ADCY7: variants seen among roughly 807,000 people sequenced by gnomAD.
ADCY7 encodes the protein adenylate cyclase type 7.
A neutral mutation model predicts 120.6 loss-of-function variants in ADCY7; 72 were observed. The observed-to-expected ratio is 0.60, with a 90% CI of 0.49 to 0.73. The LOEUF (loss-of-function observed/expected upper bound fraction) is 0.73, where lower values mean the gene tolerates loss of function less well. ADCY7 is among the 30% of genes least tolerant of loss of function. The pLI is 0.00. For synonymous variants in ADCY7, 661 were observed against 628.0 expected, an observed-to-expected ratio of 1.05 and a Z score of -0.78; for missense variants, 1,227 against 1,486.0, an observed-to-expected ratio of 0.83 and a Z score of 2.87.
intron 1 of ADCY7, among the ~76,000 whole-genome samples, chr16:50,270,218 GATAGA>G (rs1567534970): frequency 5.3e-5 from 8 of 150,974 alleles, no homozygotes; most frequent in African/African-American, 1.5e-4. Context: ...TAGATAGATA[GATAGA>G]TAGATAAACA....
intron 1 of ADCY7, among the ~76,000 whole-genome samples, chr16:50,274,399 G>A (rs531094932): frequency 1.1e-4 from 17 of 151,234 alleles, no homozygotes; most frequent in African/African-American, 3.9e-4. Flanking sequence ...CAGCCATGGC[G>A]AGGGCTCTTC....
chr16:50,262,493 A>C (rs1444860954), upstream of ADCY7, among the ~76,000 whole-genome samples: 1 of 151,784 alleles, frequency 6.6e-6, no homozygotes, highest in East Asian at 1.9e-4. Context: ...AGCCCGGCTA[A>C]TTTTTGTATT....
chr16:50,317,281 T>A lies in ADCY7; in HGVS notation c.*1776T>A, dbSNP rs2036845893. The A allele has an allele frequency of 1.3e-5, 2 of 150,670 alleles. No individual in the cohort carries two copies. Among genetic ancestry groups the A allele is most frequent in the African/African-American group, 5.1e-5 (2 of 39,546 alleles). The allele number at this position is 150,670 out of a possible 1,614,324, so 9.3% of individuals were successfully genotyped here. A position where few individuals can be genotyped will look rare whatever the true frequency, so the allele number is the denominator to read the frequency against. On this transcript the variant is annotated 3_prime_UTR_variant, in exon 26 of 26. Coordinates refer to ENST00000673801, the MANE Select transcript of ADCY7 (RefSeq NM_001114.5). ...GCTGGTAAGGGCAATTAGCCTCGCT[T>A]AAGTTGCCTTTTTTACACACCAAAA...
intron 1 of ADCY7, among the ~76,000 whole-genome samples, chr16:50,286,077 A>C (rs1415476105): frequency 6.6e-6 from 1 of 151,862 alleles, no homozygotes; most frequent in African/African-American, 2.4e-5. Context: ...AGACATCTGA[A>C]ATTTGTATCA....
At chr16:50,269,482 C>G (rs1040784318) in intron 1 of ADCY7, among the ~76,000 whole-genome samples, 1 of 152,198 alleles carries the variant, frequency 6.6e-6, no homozygotes, top group African/African-American at 2.4e-5. Flanking sequence ...GGGCCCACTG[C>G]GGGAGAGAAG....
intron 1 of ADCY7, among the ~76,000 whole-genome samples, chr16:50,276,048 C>A (rs992752536): frequency 1.3e-5 from 2 of 152,224 alleles, no homozygotes; most frequent in Non-Finnish European, 2.9e-5. Flanking sequence ...CTCCTGCCAG[C>A]AAGCCTGGAA....
At chr16:50,314,190 G>C (rs1301274439) in intron 23 of ADCY7, 102 bp from the exon 24 acceptor site, 5 of 1,418,086 alleles carry the variant, frequency 3.5e-6, no homozygotes, top group Non-Finnish European at 4.9e-6. Context: ...GGCTCAGCCA[G>C]GATTTTAGTG....
intron 1 of ADCY7, among the ~76,000 whole-genome samples, chr16:50,287,164 C>T (rs569637523): frequency 1.6e-4 from 24 of 151,866 alleles, no homozygotes; most frequent in Admixed American, 7.9e-4. Context: ...TACAGGCACA[C>T]GTCACCATGT....
chr16:50,289,394 A>G (rs1596895817), intron 2 of ADCY7: 3 of 407,606 alleles, frequency 7.4e-6, no homozygotes, highest in Non-Finnish European at 1.4e-5. Flanking sequence ...TTTCCGGCCC[A>G]GGCACTTGCC....
At chr16:50,270,868 G>A (rs1158806911) in intron 1 of ADCY7, among the ~76,000 whole-genome samples, 1 of 152,156 alleles carries the variant, frequency 6.6e-6, no homozygotes, top group African/African-American at 2.4e-5. Context: ...GCCACACAGT[G>A]GCTGGAGCCC....
chr16:50,277,367 T>G (rs932567348), intron 1 of ADCY7, among the ~76,000 whole-genome samples: 3 of 152,260 alleles, frequency 2.0e-5, no homozygotes, highest in Non-Finnish European at 4.4e-5. Flanking sequence ...TCAGTGACTT[T>G]GTTAGGTATT....
At chr16:50,312,484 ATG>A (rs1376103142) in intron 21 of ADCY7, among the ~76,000 whole-genome samples, 2 of 152,168 alleles carry the variant, frequency 1.3e-5, no homozygotes, top group Non-Finnish European at 2.9e-5. Context: ...CGAGGATGAA[ATG>A]TGTGTTCAGG....
intron 1 of ADCY7, among the ~76,000 whole-genome samples, chr16:50,271,774 C>A (rs1158188675): frequency 6.6e-6 from 1 of 152,174 alleles, no homozygotes; most frequent in Non-Finnish European, 1.5e-5. Context: ...CTGTGTCCTC[C>A]AGGTGAGGGC....
intron 5 of ADCY7, 126 bp from the exon 6 acceptor site, chr16:50,293,228 G>T: frequency 9.3e-7 from 1 of 1,079,682 alleles, no homozygotes; most frequent in Non-Finnish European, 1.3e-6. Flanking sequence ...GGCAGGGCAG[G>T]CAGGCAGGGA....
At chr16:50,313,730 G>C (rs948127036) in intron 22 of ADCY7, 2 of 552,034 alleles carry the variant, frequency 3.6e-6, no homozygotes, top group Admixed American at 3.2e-5. Flanking sequence ...CAGATGGAAG[G>C]GAAGAGGGAG....
At position 50,278,874 on chromosome 16, in the gene ADCY7, CTT is replaced by C. The variant is rs869067221; in HGVS notation, c.-268-9022_-268-9021del. Among the ~76,000 whole-genome samples, 7 of 79,682 alleles carry C rather than the reference CTT, an allele frequency of 8.8e-5. No homozygotes were observed. The South Asian group carries it at 1.8e-3, about 20-fold the overall frequency. 52.3% of individuals were successfully genotyped at this position (79,682 alleles called of 152,430 possible). A position where few individuals can be genotyped will look rare whatever the true frequency, so the allele number is the denominator to read the frequency against. ...GTGAAATGGATCTCTCTCTCTCTCTCTTTTTTTTTTTTTTTTTGGCAGAGCCT... is the reference window on the plus strand; with the variant it reads ...GTGAAATGGATCTCTCTCTCTCTCTCTTTTTTTTTTTTTTTGGCAGAGCCT... On this transcript the variant is annotated intron_variant, in intron 1 of 25. Transcript: ENST00000673801.
intron 22 of ADCY7, 164 bp downstream of exon 22, chr16:50,313,200 T>C: frequency 1.1e-6 from 1 of 882,882 alleles, no homozygotes; most frequent in South Asian, 1.8e-5. Flanking sequence ...GTGGATCACT[T>C]GAGGCTAGGA....
In ADCY7 at chr16:50,317,518, C is replaced by CAACA. The variant is rs2036859387; in HGVS notation, c.*2014_*2017dup. ...GAATATTTGTTTTTTTCTTCAGTAA[C>CAACA]AACAGAAACCCCAGTTGGGAGTTTA... On this transcript the variant is annotated 3_prime_UTR_variant, in exon 26 of 26. Coordinates refer to ENST00000673801, the MANE Select transcript of ADCY7 (RefSeq NM_001114.5). 6.6e-6 allele frequency: 1 copy of CAACA among 152,328 alleles called. No individual in the cohort carries two copies. Among genetic ancestry groups the CAACA allele is most frequent in the African/African-American group, 2.4e-5 (1 of 41,442 alleles). The allele number at this position is 152,328 out of a possible 1,614,324, so 9.4% of individuals were successfully genotyped here.
intron 1 of ADCY7, among the ~76,000 whole-genome samples, chr16:50,271,678 C>G (rs916454214): frequency 1.4e-4 from 22 of 152,316 alleles, no homozygotes; most frequent in Admixed American, 7.2e-4. Context: ...CATTTTCACT[C>G]CCAGCTTGGC....
Sources: allele counts gnomAD v4.1 joint callset (sites outside exome capture counted in the v4.1 genomes callset), GRCh38; gene constraint gnomAD v4.1.1; transcripts MANE v1.5; gene names NCBI Gene and HGNC (gene_info 2026-07-23, HGNC 2026-07-21).